Variants in MYO16 observed in about 807,000 individuals in gnomAD.
MYO16 encodes unconventional myosin-XVI.
A neutral mutation model predicts 205.3 loss-of-function variants in MYO16; 94 were observed. That is an observed-to-expected ratio of 0.46 (90% CI 0.39 to 0.54). MYO16 has a LOEUF of 0.54. MYO16 is among the 20% of genes least tolerant of loss of function. The pLI, the probability that MYO16 is intolerant of heterozygous loss-of-function variation, is 0.00. For synonymous variants in MYO16, 988 were observed against 954.0 expected (o/e 1.04, Z -0.66); for missense variants, 2,315 against 2,387.5 (o/e 0.97, Z 0.63).
chr13:108,888,263 C>A (rs1248992604), intron 13 of MYO16, 109 bp from the exon 14 acceptor site: 1 of 671,372 alleles, frequency 1.5e-6, no homozygotes, highest in African/African-American at 1.8e-5. Context: ...AGAAATATCT[C>A]CAGTTAATTT....
At chr13:108,946,945 T>G (rs1882963338) in intron 16 of MYO16, among the ~76,000 whole-genome samples, 1 of 152,092 alleles carries the variant, frequency 6.6e-6, no homozygotes. Context: ...TAATTAAAAT[T>G]TTCTTTTAGT....
chr13:109,165,928 C>T (rs1257446853), intron 33 of MYO16, among the ~76,000 whole-genome samples: 1 of 146,532 alleles, frequency 6.8e-6, no homozygotes, highest in Non-Finnish European at 1.5e-5. Flanking sequence ...GAACCAAGAA[C>T]CATGTTGAGT....
chr13:109,180,395 G>A (rs557079884), intron 34 of MYO16, among the ~76,000 whole-genome samples: 29 of 152,276 alleles, frequency 1.9e-4, no homozygotes, highest in African/African-American at 6.5e-4. Context: ...TCAAGGTGAT[G>A]CACAAACCAC....
the MYO16 span, among the ~76,000 whole-genome samples, chr13:108,520,624 A>T: frequency 7.1e-6 from 1 of 141,152 alleles, no homozygotes; most frequent in South Asian, 2.2e-4. Flanking sequence ...ACAATCCGAT[A>T]CATTTTTACA....
Position 109,055,005 on chromosome 13 carries a change from TTTC to T in MYO16, c.3049-38_3049-36del. Reference sequence around the variant, plus strand: ...TCCTTCTTCCTTTCCTTTCCTTTCCTTTCTTTTCTCCTGTCCTTCTTGTCTTTC... The same window carrying T: ...TCCTTCTTCCTTTCCTTTCCTTTCCTTTTTCTCCTGTCCTTCTTGTCTTTC... On this transcript the variant is annotated intron_variant, in intron 25 of 34. Coordinates refer to ENST00000457511, the MANE Select transcript of MYO16 (RefSeq NM_001198950.3). The surrounding 1 kb of genome is among the most constrained non-coding windows in gnomAD (Gnocchi z 5.0). 7.5e-7 allele frequency: 1 copy of T among 1,330,462 alleles called. No homozygotes were observed. Among genetic ancestry groups the T allele is most frequent in the Non-Finnish European group, 1.0e-6 (1 of 956,650 alleles). 82.4% of individuals were successfully genotyped at this position (1,330,462 alleles called of 1,614,324 possible).
At chr13:108,648,498 T>TA (rs1430772768) in intron 1 of MYO16, among the ~76,000 whole-genome samples, 1 of 152,140 alleles carries the variant, frequency 6.6e-6, no homozygotes, top group Admixed American at 6.6e-5. Flanking sequence ...TTGTTCTCAT[T>TA]ATAAGCACAG....
At chr13:108,563,378 T>C in the MYO16 span, among the ~76,000 whole-genome samples, 5 of 152,314 alleles carry the variant, frequency 3.3e-5, no homozygotes, top group African/African-American at 1.2e-4. Context: ...GATGAAATTA[T>C]TATTGACTGT....
At position 108,640,295 on chromosome 13, in the gene MYO16, G is replaced by A. The variant is rs1286553313; in HGVS notation, c.28+10423G>A. Among the ~76,000 whole-genome samples, 4 of 152,170 alleles carry A rather than the reference G, an allele frequency of 2.6e-5. No homozygotes were observed. In the East Asian group the frequency reaches 7.7e-4, roughly 29 times the overall value. ...ATGAAGTGAGAAGATCACAGTGCAG[G>A]CAGGACCAGCATCCTCTGGAGTAAT... On this transcript the variant is annotated intron_variant, in intron 1 of 34. Coordinates refer to ENST00000457511, the MANE Select transcript of MYO16 (RefSeq NM_001198950.3).
rs1007113187 is a variant in MYO16, at chr13:108,655,230, A to G, written c.29-10656A>G. ...TTCATGGGCCAGGCCCAGGGTCCCTATGTTGTGTGCAGCCTAGGGACTTAG... is the reference window on the plus strand; with the variant it reads ...TTCATGGGCCAGGCCCAGGGTCCCTGTGTTGTGTGCAGCCTAGGGACTTAG... On this transcript the variant is annotated intron_variant, in intron 1 of 34. Transcript: ENST00000457511. 5.3e-5 allele frequency among the ~76,000 whole-genome samples: 8 copies of G among 152,288 alleles called. No individual in the cohort carries two copies. The East Asian group carries it at 1.6e-3, about 30-fold the overall frequency.
chr13:108,952,681 T>A (rs1041578396), intron 16 of MYO16, among the ~76,000 whole-genome samples: 3 of 152,214 alleles, frequency 2.0e-5, no homozygotes, highest in South Asian at 4.1e-4. Context: ...ATTCCCTTGA[T>A]CTGCCAATCT....
chr13:108,734,188 A>G (rs1237899744), intron 4 of MYO16, among the ~76,000 whole-genome samples: 1 of 148,204 alleles, frequency 6.7e-6, no homozygotes, highest in African/African-American at 2.7e-5. Flanking sequence ...TTTAATATAT[A>G]ATATTGCTTT....
At chr13:108,946,068 C>T (rs1882927759) in intron 16 of MYO16, among the ~76,000 whole-genome samples, 2 of 152,112 alleles carry the variant, frequency 1.3e-5, no homozygotes, top group Non-Finnish European at 2.9e-5. Flanking sequence ...ATTATCTTAT[C>T]AGTGAAGGCA....
chr13:109,074,218 A>G (rs868753803), intron 27 of MYO16, among the ~76,000 whole-genome samples: 20 of 152,188 alleles, frequency 1.3e-4, no homozygotes, highest in Non-Finnish European at 2.9e-4. Flanking sequence ...GGTAACATCT[A>G]TCACCCCCCA....
intron 1 of MYO16, among the ~76,000 whole-genome samples, chr13:108,652,755 A>C (rs1926535): frequency 0.17 from 25,989 of 152,176 alleles, 2,783 homozygotes; most frequent in Non-Finnish European, 0.24. Flanking sequence ...GCTGAATAAT[A>C]TTCCATTATA....
chr13:108,913,668 G>C (rs1881363809), intron 16 of MYO16, among the ~76,000 whole-genome samples: 1 of 152,182 alleles, frequency 6.6e-6, no homozygotes, highest in Non-Finnish European at 1.5e-5. Flanking sequence ...TTTGTAAAAT[G>C]CTCAATACCA....
intron 12 of MYO16, among the ~76,000 whole-genome samples, chr13:108,868,337 G>A (rs1878830770): frequency 6.6e-6 from 1 of 152,146 alleles, no homozygotes; most frequent in African/African-American, 2.4e-5. Flanking sequence ...GGTATATATA[G>A]TGGAATCTTA....
intron 6 of MYO16, among the ~76,000 whole-genome samples, chr13:108,805,405 T>C (rs1324057502): frequency 6.6e-6 from 1 of 152,168 alleles, no homozygotes; most frequent in Admixed American, 6.5e-5. Context: ...AAAATAAATG[T>C]TTTTGTTAGA....
intron 2 of MYO16, among the ~76,000 whole-genome samples, chr13:108,668,455 T>C (rs1452605484): frequency 1.3e-5 from 2 of 152,220 alleles, no homozygotes; most frequent in African/African-American, 2.4e-5. Flanking sequence ...ACGAATTTAA[T>C]AGTGACAAAC....
chr13:109,108,259 T>TTGAA (rs1407299207), intron 28 of MYO16, among the ~76,000 whole-genome samples: 2 of 152,212 alleles, frequency 1.3e-5, no homozygotes, highest in Non-Finnish European at 2.9e-5. Context: ...CTTGTGTTTG[T>TTGAA]TGAATGAATG....
Sources: allele counts gnomAD v4.1 joint callset (sites outside exome capture counted in the v4.1 genomes callset), GRCh38; gene constraint gnomAD v4.1.1; non-coding constraint Gnocchi (gnomAD v3.1); transcripts MANE v1.5; gene names NCBI Gene and HGNC (gene_info 2026-07-23, HGNC 2026-07-21).